The following SPATA17 variants were observed in gnomAD, a reference collection of about 807,000 sequenced individuals.
SPATA17 encodes spermatogenesis-associated protein 17.
SPATA17 carries 53 observed loss-of-function variants against 62.2 expected under a neutral mutation model. The observed-to-expected ratio is 0.85, with a 90% confidence interval of 0.68 to 1.07. The LOEUF (loss-of-function observed/expected upper bound fraction) is 1.07, where lower values mean the gene tolerates loss of function less well. SPATA17 is among the 50% of genes least tolerant of loss of function. SPATA17 has a pLI of 0.00. For synonymous variants in SPATA17, 146 were observed against 146.8 expected, an observed-to-expected ratio of 0.99 and a Z score of 0.04; for missense variants, 466 against 425.5, an observed-to-expected ratio of 1.10 and a Z score of -0.84.
intron 6 of SPATA17, among the ~76,000 whole-genome samples, chr1:217,764,391 G>C (rs1673249359): frequency 6.6e-6 from 1 of 152,066 alleles, no homozygotes; most frequent in African/African-American, 2.4e-5. Flanking sequence ...TAAGGTTTCT[G>C]CATGTCTTTT....
At chr1:217,736,745 T>C (rs892344175) in intron 5 of SPATA17, among the ~76,000 whole-genome samples, 1 of 152,238 alleles carries the variant, frequency 6.6e-6, no homozygotes, top group African/African-American at 2.4e-5. Flanking sequence ...CTTCTAAGCA[T>C]CTTTCAGCTT....
Position 217,651,230 on chromosome 1 carries a change from A to T in SPATA17, c.240+52A>T, listed in dbSNP as rs559563133. 120 of 1,364,708 alleles carry T rather than the reference A, an allele frequency of 8.8e-5. No individual in the cohort carries two copies. The African/African-American group carries it at 1.5e-3, about 17-fold the overall frequency. The allele number at this position is 1,364,708 out of a possible 1,614,324, so 84.5% of individuals were successfully genotyped here. A position where few individuals can be genotyped will look rare whatever the true frequency, so the allele number is the denominator to read the frequency against. On this transcript the variant is annotated intron_variant, in intron 3 of 10. Coordinates refer to ENST00000366933, the MANE Select transcript of SPATA17 (RefSeq NM_138796.4). ...CATTTGAATTGTACAATATGCTGTA[A>T]CTTACTCACTTTAGTCATATTTCCA...
chr1:217,808,369 A>T (rs1674494112), intron 9 of SPATA17, among the ~76,000 whole-genome samples: 1 of 96,150 alleles, frequency 1.0e-5, no homozygotes, highest in Non-Finnish European at 2.6e-5. Context: ...ACACACACAC[A>T]CACACACACA....
intron 5 of SPATA17, among the ~76,000 whole-genome samples, chr1:217,686,928 A>G (rs974005353): frequency 1.8e-4 from 27 of 152,214 alleles, no homozygotes; most frequent in African/African-American, 6.3e-4. Flanking sequence ...CATGTTGGCC[A>G]GGCTGGTCTT....
chr1:217,631,511 G>A, intron 1 of SPATA17, 65 bp downstream of exon 1: 2 of 1,549,592 alleles, frequency 1.3e-6, no homozygotes, highest in Middle Eastern at 1.7e-4. Flanking sequence ...GTTCCTCAGC[G>A]GGAGTTTCCA....
chr1:217,718,686 T>G (rs1024560354), intron 5 of SPATA17, among the ~76,000 whole-genome samples: 1 of 151,516 alleles, frequency 6.6e-6, no homozygotes, highest in Non-Finnish European at 1.5e-5. Flanking sequence ...GAGTGAGAAG[T>G]AGGAAGAAGA....
intron 9 of SPATA17, among the ~76,000 whole-genome samples, chr1:217,858,159 A>G (rs1675822845): frequency 6.6e-6 from 1 of 152,190 alleles, no homozygotes; most frequent in Non-Finnish European, 1.5e-5. Flanking sequence ...ACAATATTAC[A>G]CATGGATAAT....
At chr1:217,803,159 G>A (rs551630771) in intron 9 of SPATA17, among the ~76,000 whole-genome samples, 4 of 152,162 alleles carry the variant, frequency 2.6e-5, no homozygotes, top group South Asian at 2.1e-4. Flanking sequence ...TGATCTGCCC[G>A]CCTCAGCCTC....
intron 7 of SPATA17, among the ~76,000 whole-genome samples, chr1:217,776,995 A>G (rs1359850112): frequency 1.3e-5 from 2 of 152,152 alleles, no homozygotes; most frequent in Non-Finnish European, 2.9e-5. Context: ...GAGTAAGTCT[A>G]TTTTATATTC....
chr1:217,861,002 A>C (rs1193941245), intron 9 of SPATA17, among the ~76,000 whole-genome samples: 2 of 151,978 alleles, frequency 1.3e-5, no homozygotes, highest in African/African-American at 4.8e-5. Context: ...ATTGTTCTAG[A>C]GTTTGGAGTA....
At chr1:217,670,536 T>TAC (rs1156542388) in intron 4 of SPATA17, among the ~76,000 whole-genome samples, 1 of 152,224 alleles carries the variant, frequency 6.6e-6, no homozygotes, top group Non-Finnish European at 1.5e-5. Context: ...TTCCAACATA[T>TAC]ACTAAAAGCT....
intron 9 of SPATA17, among the ~76,000 whole-genome samples, chr1:217,860,426 A>G (rs1310730037): frequency 6.6e-6 from 1 of 152,150 alleles, no homozygotes; most frequent in African/African-American, 2.4e-5. Flanking sequence ...GTTTTATGGT[A>G]GTACTCTTCA....
chr1:217,798,006 A>G (rs1318895525), intron 8 of SPATA17, among the ~76,000 whole-genome samples: 1 of 152,170 alleles, frequency 6.6e-6, no homozygotes, highest in Non-Finnish European at 1.5e-5. Context: ...GTTGTTAATG[A>G]TTGGCATGAG....
intron 3 of SPATA17, among the ~76,000 whole-genome samples, chr1:217,653,052 A>G (rs1670361610): frequency 6.6e-6 from 1 of 152,240 alleles, no homozygotes; most frequent in South Asian, 2.1e-4. Context: ...TGCTTAGAGT[A>G]ATATGAGTGA....
intron 6 of SPATA17, 123 bp downstream of exon 6, chr1:217,742,221 G>A: frequency 7.8e-7 from 1 of 1,282,498 alleles, no homozygotes; most frequent in Non-Finnish European, 1.1e-6. Context: ...ACTACTTCGA[G>A]TTCAATTTCG....
chr1:217,707,013 C>T (rs566565103), intron 5 of SPATA17, among the ~76,000 whole-genome samples: 16 of 152,092 alleles, frequency 1.1e-4, no homozygotes, highest in African/African-American at 3.9e-4. Flanking sequence ...ACTACAAGCA[C>T]GTGCTACCAT....
At chr1:217,782,118 G>GT in intron 7 of SPATA17, 56 bp from the exon 8 acceptor site, 1 of 1,504,624 alleles carries the variant, frequency 6.6e-7, no homozygotes, top group Non-Finnish European at 8.9e-7. Flanking sequence ...TTGGTCATCA[G>GT]TAATACCTCA....
chr1:217,803,261 G>A (rs1420435652), intron 9 of SPATA17, among the ~76,000 whole-genome samples: 2 of 152,090 alleles, frequency 1.3e-5, no homozygotes, highest in Non-Finnish European at 2.9e-5. Flanking sequence ...GGAAGTCCTA[G>A]CCAGAGCAGT....
At chr1:217,756,553 G>A (rs1006990061) in intron 6 of SPATA17, among the ~76,000 whole-genome samples, 1 of 152,136 alleles carries the variant, frequency 6.6e-6, no homozygotes, top group African/African-American at 2.4e-5. Context: ...GATTATGAGT[G>A]AAATTGTATT....
Sources: gnomAD v4.1 joint callset for allele counts (sites outside exome capture counted in the v4.1 genomes callset) on GRCh38, gnomAD v4.1.1 for gene constraint, MANE v1.5 for transcripts, NCBI Gene and HGNC (gene_info 2026-07-23, HGNC 2026-07-21) for gene names.